The following MCM5 variants were observed in gnomAD, a reference collection of about 807,000 sequenced individuals.
MCM5 encodes minichromosome maintenance complex component 5, also known as DNA replication licensing factor MCM5.
MCM5 carries 46 observed loss-of-function variants against 79.9 expected under a neutral mutation model. The ratio of observed to expected loss-of-function variants is 0.58; its 90% CI spans 0.45 to 0.74. The LOEUF is 0.74. Ranked by LOEUF, MCM5 falls within the 30% of genes least tolerant of loss-of-function variation. The pLI, the probability that MCM5 is intolerant of heterozygous loss-of-function variation, is 0.00. For missense variants in MCM5, 883 were observed against 1,017.0 expected (o/e 0.87, Z 1.79); for synonymous variants, 404 against 390.5 (o/e 1.03, Z -0.41).
intron 1 of MCM5, 87 bp from the exon 2 acceptor site, chr22:35,400,344 G>A (rs1003403076): frequency 6.6e-6 from 10 of 1,505,188 alleles, no homozygotes; most frequent in Non-Finnish European, 9.2e-6. Context: ...CCCCTGCTCC[G>A]GACTCAGGGC....
At chr22:35,442,197 A>G in the MCM5 span, among the ~76,000 whole-genome samples, 2 of 151,680 alleles carry the variant, frequency 1.3e-5, no homozygotes, top group East Asian at 3.9e-4. Context: ...ACCCGTGTAT[A>G]TTATACTCCA....
chr22:35,405,943 G>A (rs1035307173), intron 4 of MCM5, among the ~76,000 whole-genome samples: 3 of 151,778 alleles, frequency 2.0e-5, no homozygotes, highest in African/African-American at 7.3e-5. Context: ...CCCGGGAGGC[G>A]GAGGTTGCAG....
chr22:35,452,726 C>G, the MCM5 span, among the ~76,000 whole-genome samples: 2 of 152,182 alleles, frequency 1.3e-5, no homozygotes, highest in South Asian at 2.1e-4. Context: ...CAGTCCGACT[C>G]CTCCGCTGGG....
At chr22:35,417,678 C>G in intron 12 of MCM5, 66 bp from the exon 13 acceptor site, 1 of 1,147,980 alleles carries the variant, frequency 8.7e-7, no homozygotes, top group South Asian at 1.3e-5. Context: ...GGCTGTTCCA[C>G]CTCAGTGCTG....
intron 8 of MCM5, 123 bp from the exon 9 acceptor site, chr22:35,413,752 T>C: frequency 1.5e-6 from 1 of 668,394 alleles, no homozygotes; most frequent in East Asian, 2.6e-5. Context: ...ACTACCTTCT[T>C]ACCAACTCTG....
intron 8 of MCM5, among the ~76,000 whole-genome samples, chr22:35,413,384 A>T (rs1177345494): frequency 6.6e-6 from 1 of 152,184 alleles, no homozygotes; most frequent in East Asian, 1.9e-4. Context: ...TCTGAAGCCC[A>T]GTCATTCCTC....
intron 4 of MCM5, among the ~76,000 whole-genome samples, chr22:35,404,932 A>G (rs957611138): frequency 2.0e-5 from 3 of 152,098 alleles, no homozygotes; most frequent in African/African-American, 7.2e-5. Context: ...TTTATTATGG[A>G]TAATTCAAAC....
At chr22:35,416,570 T>TAA in intron 11 of MCM5, 68 bp from the exon 12 acceptor site, 2 of 972,482 alleles carry the variant, frequency 2.1e-6, no homozygotes, top group East Asian at 5.1e-5. Context: ...TGTGTGTGTG[T>TAA]GTAAACGTGT....
chr22:35,424,197 T>G lies in MCM5; in HGVS notation c.2147T>G (p.Leu716Arg). ...ATCCACAAGGTGCTGCAGCTCATGC[T>G]GCGGCGCGGCGAGATCCAGCATCGC... ...HAIHKVLQLM[L>R]RRGEIQHRMQ... Residue 716 changes from leucine (L) to arginine (R), a missense_variant, in exon 17 of 17, where the codon CTG (leucine) becomes CGG (arginine). Transcript: ENST00000216122. 6.4e-7 allele frequency: 1 copy of G among 1,553,354 alleles called. No individual in the cohort carries two copies. Among genetic ancestry groups the G allele is most frequent in the Non-Finnish European group, 8.7e-7 (1 of 1,147,988 alleles).
the MCM5 span, among the ~76,000 whole-genome samples, chr22:35,436,737 T>A: frequency 6.6e-6 from 1 of 152,204 alleles, no homozygotes; most frequent in Non-Finnish European, 1.5e-5. Flanking sequence ...CCATTCTGGG[T>A]CAGGACCCTG....
Position 35,410,794 on chromosome 22 carries a change from T to TCTA in MCM5, c.806_808dup (p.Tyr269dup). 6.2e-7 allele frequency: 1 copy of TCTA among 1,614,128 alleles called. No homozygotes were observed. ...GGGAACAGGGTTACCATCATGGGCA[T>TCTA]CTACTCCATCAAGAAGTTTGGCCTG... On this transcript the variant is annotated inframe_insertion, in exon 7 of 17. Coordinates refer to ENST00000216122, the MANE Select transcript of MCM5 (RefSeq NM_006739.4).
the MCM5 span, among the ~76,000 whole-genome samples, chr22:35,430,782 T>C: frequency 6.6e-6 from 1 of 151,574 alleles, no homozygotes; most frequent in African/African-American, 2.4e-5. Flanking sequence ...AGTCCTGGGA[T>C]TACAGGCGTG....
At chr22:35,447,160 T>C in the MCM5 span, among the ~76,000 whole-genome samples, 1 of 152,034 alleles carries the variant, frequency 6.6e-6, no homozygotes, top group African/African-American at 2.4e-5. Flanking sequence ...GTGGGAAACC[T>C]GCGTCCCTCT....
chr22:35,431,552 G>A, the MCM5 span, among the ~76,000 whole-genome samples: 1 of 152,150 alleles, frequency 6.6e-6, no homozygotes, highest in Admixed American at 6.5e-5. Context: ...CCACCCTGGA[G>A]GTGACCACAG....
the MCM5 span, among the ~76,000 whole-genome samples, chr22:35,447,162 C>T: frequency 9.9e-5 from 15 of 152,154 alleles, no homozygotes; most frequent in African/African-American, 3.6e-4. Context: ...GGGAAACCTG[C>T]GTCCCTCTCG....
At chr22:35,406,506 G>T (rs1259317001) in intron 4 of MCM5, 47 bp from the exon 5 acceptor site, 2 of 1,573,700 alleles carry the variant, frequency 1.3e-6, no homozygotes, top group African/African-American at 2.7e-5. Context: ...TCTCAGATGC[G>T]TCCTGGCTCC....
chr22:35,453,993 CCT>C, the MCM5 span, among the ~76,000 whole-genome samples: 1 of 151,462 alleles, frequency 6.6e-6, no homozygotes, highest in Non-Finnish European at 1.5e-5. Flanking sequence ...CCTCTTCCCT[CCT>C]CAGCTCTCCC....
At chr22:35,400,626 G>C (rs753328035) in intron 2 of MCM5, 21 bp downstream of exon 2, 1 of 1,574,690 alleles carries the variant, frequency 6.4e-7, no homozygotes, top group Non-Finnish European at 8.6e-7. Flanking sequence ...TGCGGGGCCG[G>C]GGGCTCGAGT....
chr22:35,421,604 C>A (rs133431), intron 15 of MCM5, 144 bp downstream of exon 15: 527,505 of 1,126,494 alleles, frequency 0.47, 129,487 homozygotes, highest in African/African-American at 0.87. Flanking sequence ...TTCTTTTTGC[C>A]ATAAGACCCC....
Sources: allele counts gnomAD v4.1 joint callset (sites outside exome capture counted in the v4.1 genomes callset), GRCh38; gene constraint gnomAD v4.1.1; transcripts MANE v1.5; gene names NCBI Gene and HGNC (gene_info 2026-07-23, HGNC 2026-07-21).